The following PCDHA5 variants were observed in gnomAD, a reference collection of about 807,000 sequenced individuals.
PCDHA5 encodes protocadherin alpha-5.
Under a neutral mutation model 61.6 loss-of-function variants are expected in PCDHA5, and 43 were observed. That is an observed-to-expected ratio of 0.70 (90% CI 0.55 to 0.90). PCDHA5 has a LOEUF of 0.90. Ranked by LOEUF, PCDHA5 falls within the 40% of genes least tolerant of loss-of-function variation. The pLI is 0.00. For missense variants in PCDHA5, 1,298 were observed against 1,222.7 expected (o/e 1.06, Z -0.92); for synonymous variants, 627 against 543.9 (o/e 1.15, Z -2.13).
chr5:140,834,632 T>C (rs1424749324), intron 1 of PCDHA5: 7 of 1,613,948 alleles, frequency 4.3e-6, no homozygotes, highest in African/African-American at 2.7e-5. Context: ...AGAATGGCAT[T>C]TTGTTTGTGA....
rs370640529 is a variant in PCDHA5, at chr5:140,968,552, C to G, written c.2353-10397C>G. 5 of 1,614,184 alleles carry G rather than the reference C, an allele frequency of 3.1e-6. No homozygotes were observed. The East Asian group carries it at 1.1e-4, about 36-fold the overall frequency. ...GTCAGCAGCCTTCGAGATGGTGCCT[C>G]GAACTGCCCCTGCTGGCTACCTGGT... On this transcript the variant is annotated intron_variant, in intron 1 of 3. Coordinates refer to ENST00000529859, the MANE Select transcript of PCDHA5 (RefSeq NM_018908.3).
intron 1 of PCDHA5, chr5:140,870,420 G>T (rs371557347): frequency 1.4e-5 from 23 of 1,614,116 alleles, no homozygotes; most frequent in Non-Finnish European, 1.9e-5. Flanking sequence ...CCACGGCCAG[G>T]GTATCCGTGG....
chr5:140,862,493 C>G, intron 1 of PCDHA5: 1 of 388,776 alleles, frequency 2.6e-6, no homozygotes, highest in East Asian at 6.9e-5. Flanking sequence ...GGTAATCGCT[C>G]GGAATGGGGA....
At chr5:140,927,906 C>G (rs116016831) in intron 1 of PCDHA5, 1 of 1,614,180 alleles carries the variant, frequency 6.2e-7, no homozygotes, top group Non-Finnish European at 8.5e-7. Flanking sequence ...ATCATGCCCC[C>G]GAACTGGACT....
chr5:140,865,139 A>G (rs1467997658), intron 1 of PCDHA5: 1 of 152,202 alleles, frequency 6.6e-6, no homozygotes, highest in Non-Finnish European at 1.5e-5. Flanking sequence ...CTTAGAATTT[A>G]ACATTGTATA....
chr5:140,970,078 A>G (rs1260486106), intron 1 of PCDHA5, among the ~76,000 whole-genome samples: 2 of 152,124 alleles, frequency 1.3e-5, no homozygotes, highest in African/African-American at 4.8e-5. Context: ...TGAGTGGATT[A>G]GGGGTGTGGG....
chr5:140,850,711 T>C (rs2150495553), intron 1 of PCDHA5: 1 of 1,597,796 alleles, frequency 6.3e-7, no homozygotes, highest in Non-Finnish European at 8.6e-7. Flanking sequence ...AAGCCGACGC[T>C]GGTGTGTTCT....
chr5:140,971,203 T>A (rs1586466173), intron 1 of PCDHA5, among the ~76,000 whole-genome samples: 2 of 152,308 alleles, frequency 1.3e-5, no homozygotes, highest in Middle Eastern at 6.8e-3. Context: ...GGAAAGACAC[T>A]GTTACCCTCC....
chr5:140,954,488 T>C (rs1270188262), intron 1 of PCDHA5, among the ~76,000 whole-genome samples: 1 of 152,246 alleles, frequency 6.6e-6, no homozygotes, highest in Non-Finnish European at 1.5e-5. Flanking sequence ...AGATATTTCA[T>C]TGTGGTTTTG....
chr5:140,913,384 C>G (rs1018271300), intron 1 of PCDHA5, among the ~76,000 whole-genome samples: 1 of 152,144 alleles, frequency 6.6e-6, no homozygotes, highest in Non-Finnish European at 1.5e-5. Flanking sequence ...AGTGGCTCAT[C>G]ATAGCCACTA....
chr5:140,836,501 G>T (rs2150262509), intron 1 of PCDHA5: 1 of 1,613,864 alleles, frequency 6.2e-7, no homozygotes, highest in Admixed American at 1.7e-5. Context: ...CCATCTGCGC[G>T]GTGTCCAGTC....
At chr5:141,007,980 A>G (rs533342900) in intron 3 of PCDHA5, among the ~76,000 whole-genome samples, 1 of 152,338 alleles carries the variant, frequency 6.6e-6, no homozygotes, top group East Asian at 1.9e-4. Context: ...TGTCATGTAT[A>G]TATGAAATGT....
intron 1 of PCDHA5, chr5:140,881,399 T>C (rs2058702396): frequency 1.0e-6 from 1 of 975,460 alleles, no homozygotes; most frequent in Non-Finnish European, 1.2e-6. Flanking sequence ...TTAAATTCTA[T>C]TAAATCAATA....
intron 1 of PCDHA5, chr5:140,828,744 G>C: frequency 6.2e-7 from 1 of 1,614,228 alleles, no homozygotes; most frequent in Non-Finnish European, 8.5e-7. Flanking sequence ...ACAGATGGGG[G>C]CAAACCTGAG....
At position 140,978,994 on chromosome 5, in the gene PCDHA5, GCAGGCATGCA is replaced by G; in HGVS notation, c.2403_2411+1del. 3 of 1,614,152 alleles carry G rather than the reference GCAGGCATGCA, an allele frequency of 1.9e-6. No homozygotes were observed. The highest frequency in any genetic ancestry group is 8.5e-7 in the Non-Finnish European group (1 of 1,180,022). ...CTGGCGTTACTCTGCCTCCCTGAGA[GCAGGCATGCA>G]CAGGTATGTATTTCCCTCCTCATTC... On this transcript the variant is annotated frameshift_variant, in exon 2 of 4. Transcript: ENST00000529859. LOFTEE classifies it high-confidence loss of function.
chr5:140,830,986 C>T (rs1391216672), intron 1 of PCDHA5: 8 of 152,242 alleles, frequency 5.3e-5, no homozygotes, highest in Admixed American at 5.2e-4. Context: ...GAACTCTGAT[C>T]ATCATAGTTT....
At chr5:140,863,810 C>T (rs1554158466) in intron 1 of PCDHA5, 8 of 203,770 alleles carry the variant, frequency 3.9e-5, no homozygotes, top group South Asian at 2.6e-4. Context: ...ACCAGCCTGG[C>T]CAACATGGTG....
chr5:140,955,986 C>A (rs2095245113), intron 1 of PCDHA5, among the ~76,000 whole-genome samples: 1 of 152,124 alleles, frequency 6.6e-6, no homozygotes, highest in Non-Finnish European at 1.5e-5. Flanking sequence ...GCAATTTTTG[C>A]ACATTGATTT....
rs1423136904 is a variant in PCDHA5 at position 140,966,615 on chromosome 5, G to A, written c.2353-12334G>A. 1.0e-5 allele frequency: 8 copies of A among 773,600 alleles called. No individual in the cohort carries two copies. In the Admixed American group the frequency reaches 1.2e-4, roughly 12 times the overall value. The allele number at this position is 773,600 out of a possible 1,614,324, so 47.9% of individuals were successfully genotyped here. A position where few individuals can be genotyped will look rare whatever the true frequency, so the allele number is the denominator to read the frequency against. On this transcript the variant is annotated intron_variant, in intron 1 of 3. Transcript: ENST00000529859. The stretch of plus-strand genomic sequence containing the variant: ...GCCAGGAGCCCTTGGGAGGGCCTAC[G>A]GAGGGAGCGGCCCCAGGCGCTTTCT...
Sources: gnomAD v4.1 joint callset for allele counts (sites outside exome capture counted in the v4.1 genomes callset) on GRCh38, gnomAD v4.1.1 for gene constraint, MANE v1.5 for transcripts, NCBI Gene and HGNC (gene_info 2026-07-23, HGNC 2026-07-21) for gene names.